The following GLIS2 variants were observed in gnomAD, a reference collection of about 807,000 sequenced individuals.
The protein encoded by GLIS2 is GLIS family zinc finger 2, also known as zinc finger protein GLIS2.
In GLIS2, 14 loss-of-function variants were observed where a neutral mutation model predicts 35.6. That is an observed-to-expected ratio of 0.39 (90% CI 0.26 to 0.61). The LOEUF (loss-of-function observed/expected upper bound fraction) is 0.61, where lower values mean the gene tolerates loss of function less well. Among genes scored for constraint, GLIS2 ranks in the 20% least tolerant of loss-of-function variants. The pLI, the probability that GLIS2 is intolerant of heterozygous loss-of-function variation, is 0.48. For synonymous variants in GLIS2, 368 were observed against 325.1 expected (o/e 1.13, Z -1.42); for missense variants, 675 against 713.4 (o/e 0.95, Z 0.61).
chr16:4,337,591 C>G lies in GLIS2; in HGVS notation c.*67C>G. ...CGGCACTGCCCCCGACGAACGGAAA[C>G]TCTTCTGTGAAATAGCAATAATGTC... On this transcript the variant is annotated 3_prime_UTR_variant, in exon 7 of 7. Transcript: ENST00000433375. The G allele has an allele frequency of 6.5e-7, 1 of 1,531,748 alleles. No homozygotes were observed. The highest frequency in any genetic ancestry group is 8.7e-7 in the Non-Finnish European group (1 of 1,143,500). 94.9% of individuals were successfully genotyped at this position (1,531,748 alleles called of 1,614,324 possible). A position where few individuals can be genotyped will look rare whatever the true frequency, so the allele number is the denominator to read the frequency against.
chr16:4,325,929 TAAAAA>T (rs58290393), intron 1 of GLIS2, among the ~76,000 whole-genome samples: 7 of 40,122 alleles, frequency 1.7e-4, no homozygotes, highest in Admixed American at 7.5e-4. Flanking sequence ...CTCTGTGTCT[TAAAAA>T]AAAAAAAAAA....
At position 4,338,102 on chromosome 16, in the gene GLIS2, G is replaced by GC. The variant is rs2053578618; in HGVS notation, c.*584dup. ...CCTGCAAAGCCCCAGGTAGAAGCAT[G>GC]CCCCCCAGGACAAGGCGCCTCCCAC... On this transcript the variant is annotated 3_prime_UTR_variant, in exon 7 of 7. Coordinates refer to ENST00000433375, the MANE Select transcript of GLIS2 (RefSeq NM_032575.3). 1.2e-5 allele frequency: 2 copies of GC among 168,952 alleles called. No individual in the cohort carries two copies. Among genetic ancestry groups the GC allele is most frequent in the Non-Finnish European group, 2.6e-5 (2 of 77,896 alleles). 10.5% of individuals were successfully genotyped at this position (168,952 alleles called of 1,614,324 possible).
chr16:4,318,799 T>C (rs543678281), intron 1 of GLIS2, among the ~76,000 whole-genome samples: 1 of 152,316 alleles, frequency 6.6e-6, no homozygotes, highest in East Asian at 1.9e-4. Flanking sequence ...GAAGAATGTG[T>C]TTTCCCGGCA....
At chr16:4,324,259 C>T (rs1367388781) in intron 1 of GLIS2, among the ~76,000 whole-genome samples, 2 of 152,104 alleles carry the variant, frequency 1.3e-5, no homozygotes, top group South Asian at 2.1e-4. Flanking sequence ...CAGGAAGTGC[C>T]GCCTGCCCTG....
rs902594853 is a variant in GLIS2, at chr16:4,332,170, A to C, written c.-66-45A>C. 4 of 1,321,624 alleles carry C rather than the reference A, an allele frequency of 3.0e-6. No individual in the cohort carries two copies. The African/African-American group carries it at 5.9e-5, about 19-fold the overall frequency. The allele number at this position is 1,321,624 out of a possible 1,614,324, so 81.9% of individuals were successfully genotyped here. A position where few individuals can be genotyped will look rare whatever the true frequency, so the allele number is the denominator to read the frequency against. On this transcript the variant is annotated intron_variant, in intron 1 of 6. Transcript: ENST00000433375. The surrounding 1 kb of genome is among the most constrained non-coding windows in gnomAD (Gnocchi z 5.4). ...CTGTCATGAGTACAGCCCGAGGAGA[A>C]GCCTGGGGTCTCAGTGCCACAGCAC...
Position 4,320,159 on chromosome 16 carries a change from C to T in GLIS2, c.-67+3905C>T, listed in dbSNP as rs549031964. Among the ~76,000 whole-genome samples the T allele has an allele frequency of 3.7e-4, 57 of 152,228 alleles. No homozygotes were observed. The highest frequency in any genetic ancestry group is 1.3e-3 in the African/African-American group (53 of 41,550). ...TGTGAGTGTCACATGTGCGTGCACA[C>T]GGACTCCAGCCTTGGCAGATGGCTG... On this transcript the variant is annotated intron_variant, in intron 1 of 6. Transcript: ENST00000433375. The surrounding 1 kb of genome is among the most constrained non-coding windows in gnomAD (Gnocchi z 5.6).
chr16:4,317,157 GC>G (rs1168751298), intron 1 of GLIS2, among the ~76,000 whole-genome samples: 1 of 152,208 alleles, frequency 6.6e-6, no homozygotes, highest in Non-Finnish European at 1.5e-5. Flanking sequence ...TCAAGGAGTT[GC>G]CCAGCCCTGC....
intron 1 of GLIS2, among the ~76,000 whole-genome samples, chr16:4,329,959 CTGT>C (rs2053480906): frequency 1.3e-5 from 2 of 152,122 alleles, no homozygotes; most frequent in Non-Finnish European, 2.9e-5. Context: ...TCGGTGGATA[CTGT>C]TAGATCATTT....
intron 3 of GLIS2, among the ~76,000 whole-genome samples, 159 bp downstream of exon 3, chr16:4,333,678 C>T (rs2053520812): frequency 1.3e-5 from 2 of 152,174 alleles, no homozygotes; most frequent in African/African-American, 4.8e-5. Context: ...GAGAACCTTC[C>T]CTGCCTCTCT....
At position 4,337,122 on chromosome 16, in the gene GLIS2, CAGTGGG is replaced by C. The variant is rs2053562738; in HGVS notation, c.1174_1179del (p.Ser392_Gly393del). On this transcript the variant is annotated inframe_deletion, in exon 7 of 7. Coordinates refer to ENST00000433375, the MANE Select transcript of GLIS2 (RefSeq NM_032575.3). The stretch of plus-strand genomic sequence containing the variant: ...CCCTGGCCTGTGGCAACGGTGGGGG[CAGTGGG>C]GGTGGGGGGGGCATGGGCCCTGGGC... The C allele has an allele frequency of 6.5e-7, 1 of 1,535,846 alleles. No homozygotes were observed. Among genetic ancestry groups the C allele is most frequent in the African/African-American group, 1.4e-5 (1 of 72,980 alleles).
intron 1 of GLIS2, among the ~76,000 whole-genome samples, chr16:4,318,149 G>A (rs2053335897): frequency 6.6e-6 from 1 of 152,224 alleles, no homozygotes; most frequent in African/African-American, 2.4e-5. Context: ...AGTGGCTTCT[G>A]GGGATTGGCT....
intron 1 of GLIS2, among the ~76,000 whole-genome samples, chr16:4,322,665 A>C: frequency 2.4e-5 from 3 of 126,440 alleles, no homozygotes; most frequent in South Asian, 2.9e-4. Context: ...TGGTCGGGGC[A>C]CCCTCAAGGT....
At chr16:4,334,075 G>A (rs2053524566) in intron 3 of GLIS2, among the ~76,000 whole-genome samples, 1 of 147,634 alleles carries the variant, frequency 6.8e-6, no homozygotes, top group South Asian at 2.1e-4. Context: ...CCCAAGCTGG[G>A]ACTACAGGTA....
Position 4,320,822 on chromosome 16 carries a change from C to T in GLIS2, c.-67+4568C>T, listed in dbSNP as rs1412333897. Reference sequence around the variant, plus strand: ...CCATTGTCCTCCCTATTCTGAAGTCCCCCCAACCCTGTGCTGGTGCTCGTC... The same window carrying T: ...CCATTGTCCTCCCTATTCTGAAGTCTCCCCAACCCTGTGCTGGTGCTCGTC... On this transcript the variant is annotated intron_variant, in intron 1 of 6. Transcript: ENST00000433375. This position sits in a 1 kb window ranked among gnomAD's most constrained non-coding sequence, Gnocchi z 5.6. Among the ~76,000 whole-genome samples, 1 of 152,114 alleles carries T rather than the reference C, an allele frequency of 6.6e-6. No individual in the cohort carries two copies. Among genetic ancestry groups the T allele is most frequent in the Non-Finnish European group, 1.5e-5 (1 of 68,018 alleles).
upstream of GLIS2, chr16:4,315,247 G>A (rs1328770525): frequency 6.6e-6 from 1 of 152,244 alleles, no homozygotes; most frequent in Non-Finnish European, 1.5e-5. Flanking sequence ...GGGCACGGCA[G>A]GGAGTCGCCC....
chr16:4,333,495 C>T lies in GLIS2; in HGVS notation c.321C>T (p.Asp107=). Residue 107 remains aspartate (D), a synonymous_variant, in exon 3 of 7, where the codon GAC becomes GAT. Transcript: ENST00000433375. The part of the protein sequence containing the change: ...SLSPERQGNG[D]LPPVPSASDF... Reference sequence around the variant, plus strand: ...CCCCCGAGCGCCAGGGCAACGGGGACCTGCCTCCAGTGCCCAGTGCCTCGG... The same window carrying T: ...CCCCCGAGCGCCAGGGCAACGGGGATCTGCCTCCAGTGCCCAGTGCCTCGG... 6.2e-7 allele frequency: 1 copy of T among 1,611,780 alleles called. No individual in the cohort carries two copies. The highest frequency in any genetic ancestry group is 2.2e-5 in the East Asian group (1 of 44,852).
Position 4,320,438 on chromosome 16 carries a change from A to C in GLIS2, c.-67+4184A>C, listed in dbSNP as rs1036464263. ...CCGGTGGGGGGAAACTGAGGCTCTG[A>C]GACATTTGAGGGTTTGGCCCGAGGT... is the stretch of plus-strand genomic sequence containing the variant. On this transcript the variant is annotated intron_variant, in intron 1 of 6. Transcript: ENST00000433375. The surrounding 1 kb of genome is among the most constrained non-coding windows in gnomAD (Gnocchi z 5.6). Among the ~76,000 whole-genome samples the C allele has an allele frequency of 6.6e-6, 1 of 152,086 alleles. No individual in the cohort carries two copies. Among genetic ancestry groups the C allele is most frequent in the Non-Finnish European group, 1.5e-5 (1 of 67,990 alleles).
chr16:4,319,978 G>A (rs917667678), intron 1 of GLIS2, among the ~76,000 whole-genome samples: 1 of 151,440 alleles, frequency 6.6e-6, no homozygotes, highest in Non-Finnish European at 1.5e-5. Context: ...AGGGGTGGGG[G>A]CTTCCCATCT....
chr16:4,322,650 C>T (rs2053390531), intron 1 of GLIS2, among the ~76,000 whole-genome samples: 1 of 152,080 alleles, frequency 6.6e-6, no homozygotes, highest in South Asian at 2.1e-4. Context: ...TCTCCCACCC[C>T]ACCTTGGTCG....
Sources: allele counts gnomAD v4.1 joint callset (sites outside exome capture counted in the v4.1 genomes callset), GRCh38; gene constraint gnomAD v4.1.1; non-coding constraint Gnocchi (gnomAD v3.1); transcripts MANE v1.5; gene names NCBI Gene and HGNC (gene_info 2026-07-23, HGNC 2026-07-21).